FRY: variants seen among roughly 807,000 people sequenced by gnomAD.
FRY encodes the protein FRY microtubule binding protein, also known as protein furry homolog.
In FRY, 128 loss-of-function variants were observed where a neutral mutation model predicts 348.4. The observed-to-expected ratio is 0.37, with a 90% confidence interval of 0.32 to 0.43. FRY has a LOEUF of 0.43. Ranked by LOEUF, FRY falls within the 20% of genes least tolerant of loss-of-function variation. The pLI is 1.00. For missense variants in FRY, 2,736 were observed against 3,695.2 expected (o/e 0.74, Z 6.73); for synonymous variants, 1,370 against 1,374.7 (o/e 1.00, Z 0.08).
intron 39 of FRY, among the ~76,000 whole-genome samples, chr13:32,226,482 A>C (rs1396985726): frequency 1.3e-5 from 2 of 152,244 alleles, no homozygotes; most frequent in East Asian, 3.8e-4. Context: ...AAACCAAAAA[A>C]AATTCTTAGA....
At chr13:32,236,322 TAAA>T (rs1566156265) in intron 43 of FRY, 150 bp downstream of exon 43, 1 of 624,040 alleles carries the variant, frequency 1.6e-6, no homozygotes, top group Non-Finnish European at 2.8e-6. Context: ...TTTCTTAAGT[TAAA>T]AAAGAAGTCA....
At chr13:32,116,288 G>A (rs1878297940) in intron 3 of FRY, among the ~76,000 whole-genome samples, 1 of 152,032 alleles carries the variant, frequency 6.6e-6, no homozygotes, top group Admixed American at 6.6e-5. Context: ...TCAACTCTGG[G>A]CGTTATAATT....
intron 52 of FRY, 73 bp from the exon 53 acceptor site, chr13:32,262,241 A>G: frequency 2.4e-6 from 3 of 1,238,200 alleles, no homozygotes; most frequent in Non-Finnish European, 3.5e-6. Context: ...TTAACCAACA[A>G]CTAGAGAATA....
rs545218586 is a variant in FRY at position 32,181,816 on chromosome 13, G to C, written c.2997-1161G>C. 4.7e-4 allele frequency among the ~76,000 whole-genome samples: 72 copies of C among 152,068 alleles called. 1 individual carries two copies. In the South Asian group the frequency reaches 7.1e-3, roughly 15 times the overall value. On this transcript the variant is annotated intron_variant, in intron 23 of 60. Coordinates refer to ENST00000542859, the MANE Select transcript of FRY (RefSeq NM_023037.3). Reference sequence around the variant, plus strand: ...GCATAATAAATAAAAATATATAAGTGTATCTGTCTAATTTTTTAAATGTTA... The same window carrying C: ...GCATAATAAATAAAAATATATAAGTCTATCTGTCTAATTTTTTAAATGTTA...
intron 11 of FRY, among the ~76,000 whole-genome samples, chr13:32,139,915 C>T (rs766961560): frequency 2.0e-5 from 3 of 151,704 alleles, no homozygotes; most frequent in South Asian, 2.1e-4. Context: ...AATGTTGAGT[C>T]ACCATTTGCA....
rs2072100965 is a variant in FRY at position 32,298,680 on chromosome 13, G to A, written c.*3220G>A. 1 of 152,240 alleles carries A rather than the reference G, an allele frequency of 6.6e-6. No individual in the cohort carries two copies. The highest frequency in any genetic ancestry group is 2.1e-4 in the South Asian group (1 of 4,832). The allele number at this position is 152,240 out of a possible 1,614,324, so 9.4% of individuals were successfully genotyped here. A position where few individuals can be genotyped will look rare whatever the true frequency, so the allele number is the denominator to read the frequency against. On this transcript the variant is annotated 3_prime_UTR_variant, in exon 61 of 61. Coordinates refer to ENST00000542859, the MANE Select transcript of FRY (RefSeq NM_023037.3). ...TCACTCTAATAAGGTGATATCTGAGGAGAGATCTGAATGAAGTGAGGATAC... is the reference window on the plus strand; with the variant it reads ...TCACTCTAATAAGGTGATATCTGAGAAGAGATCTGAATGAAGTGAGGATAC...
intron 2 of FRY, among the ~76,000 whole-genome samples, chr13:32,101,714 A>G (rs963436440): frequency 6.6e-6 from 1 of 152,190 alleles, no homozygotes; most frequent in Non-Finnish European, 1.5e-5. Flanking sequence ...CCTAAGTATC[A>G]GATTCTTAAT....
intron 7 of FRY, among the ~76,000 whole-genome samples, chr13:32,128,129 T>C (rs1313114840): frequency 3.3e-5 from 5 of 152,216 alleles, no homozygotes; most frequent in Admixed American, 3.3e-4. Context: ...AAGTATCACT[T>C]CCATTGCTTG....
intron 17 of FRY, among the ~76,000 whole-genome samples, 184 bp downstream of exon 17, chr13:32,161,435 G>A (rs1265089617): frequency 6.6e-6 from 1 of 152,202 alleles, no homozygotes; most frequent in Non-Finnish European, 1.5e-5. Flanking sequence ...ATCCAACTTA[G>A]AAGCAAATAC....
intron 55 of FRY, among the ~76,000 whole-genome samples, chr13:32,273,985 T>C (rs1017404461): frequency 2.6e-5 from 4 of 152,190 alleles, no homozygotes; most frequent in African/African-American, 9.7e-5. Context: ...TGGTTATGTA[T>C]CTGCAAGTAT....
intron 31 of FRY, among the ~76,000 whole-genome samples, chr13:32,205,420 T>C (rs1442475694): frequency 6.6e-6 from 1 of 152,122 alleles, no homozygotes; most frequent in African/African-American, 2.4e-5. Flanking sequence ...GACAAGTAGT[T>C]GATAGACATT....
intron 2 of FRY, among the ~76,000 whole-genome samples, chr13:32,098,736 A>G (rs117440932): frequency 0.026 from 3,878 of 151,990 alleles, 66 homozygotes; most frequent in Non-Finnish European, 0.038. Flanking sequence ...TCAGTGTTCC[A>G]CCCCGGCATG....
chr13:32,201,325 C>T (rs1046592789), intron 29 of FRY, among the ~76,000 whole-genome samples: 2 of 152,024 alleles, frequency 1.3e-5, no homozygotes, highest in African/African-American at 2.4e-5. Context: ...GACTTCTCTA[C>T]CCCCCATCTA....
Position 32,186,318 on chromosome 13 carries a change from A to G in FRY, c.3378A>G (p.Leu1126=), listed in dbSNP as rs760110440. ...GTCTGAGGCACCACCTTTTCATCTT[A>G]TTCAGCCAGTGGGCAGGACCCTTCA... is the stretch of plus-strand genomic sequence containing the variant. ...QQSLRHHLFI[L]FSQWAGPFSI... is the part of the protein sequence containing the mutation. The change falls in exon 27 of 61, where the codon TTA becomes TTG. Residue 1126 remains leucine (L), a synonymous_variant. Transcript: ENST00000542859. 1.3e-5 allele frequency: 21 copies of G among 1,612,906 alleles called. No homozygotes were observed. The highest frequency in any genetic ancestry group is 1.8e-5 in the Non-Finnish European group (21 of 1,178,980).
intron 3 of FRY, among the ~76,000 whole-genome samples, chr13:32,108,338 T>C (rs1286816351): frequency 6.6e-6 from 1 of 152,186 alleles, no homozygotes; most frequent in Non-Finnish European, 1.5e-5. Context: ...TGCTGAGTGT[T>C]GATGATGAGG....
At chr13:32,274,223 T>C (rs1888366426) in intron 55 of FRY, among the ~76,000 whole-genome samples, 1 of 152,118 alleles carries the variant, frequency 6.6e-6, no homozygotes, top group East Asian at 1.9e-4. Context: ...GATTTAAAAG[T>C]AGGGTTTTTT....
At chr13:32,117,595 T>A (rs1335206878) in intron 4 of FRY, 122 bp downstream of exon 4, 3 of 964,598 alleles carry the variant, frequency 3.1e-6, no homozygotes, top group South Asian at 1.3e-5. Context: ...GCCTAGCAGG[T>A]GCTGCAGGGG....
At chr13:32,276,614 C>A in intron 57 of FRY, 52 bp downstream of exon 57, 1 of 917,202 alleles carries the variant, frequency 1.1e-6, no homozygotes, top group Non-Finnish European at 1.8e-6. Flanking sequence ...CAAATGAACC[C>A]AACCACTCTG....
chr13:32,181,465 G>A (rs546267867), intron 23 of FRY, among the ~76,000 whole-genome samples: 45 of 150,230 alleles, frequency 3.0e-4, no homozygotes, highest in Admixed American at 6.0e-4. Flanking sequence ...GTGATGGTGT[G>A]CACCTGTAGT....
Sources: gnomAD v4.1 joint callset for allele counts (sites outside exome capture counted in the v4.1 genomes callset) on GRCh38, gnomAD v4.1.1 for gene constraint, MANE v1.5 for transcripts, NCBI Gene and HGNC (gene_info 2026-07-23, HGNC 2026-07-21) for gene names.